BSCL2: variants seen among roughly 807,000 people sequenced by gnomAD.
The protein encoded by BSCL2 is seipin.
Under a neutral mutation model 57.4 loss-of-function variants are expected in BSCL2, and 41 were observed. The observed-to-expected ratio is 0.71, with a 90% CI of 0.56 to 0.93. The LOEUF (loss-of-function observed/expected upper bound fraction) is 0.93. BSCL2 is among the 40% of genes least tolerant of loss of function. The pLI is 0.00. For missense variants in BSCL2, 539 were observed against 586.7 expected (o/e 0.92, Z 0.84); for synonymous variants, 237 against 227.3 (o/e 1.04, Z -0.38).
upstream of BSCL2, chr11:62,707,436 C>T (rs1002675363): frequency 7.2e-6 from 5 of 697,684 alleles, no homozygotes; most frequent in Non-Finnish European, 1.3e-5. Context: ...AGCAGGGTCC[C>T]CCGCAGCCAG....
intron 3 of BSCL2, among the ~76,000 whole-genome samples, chr11:62,697,844 T>TA (rs1406793094): frequency 2.6e-5 from 4 of 151,554 alleles, no homozygotes; most frequent in East Asian, 1.9e-4. Context: ...TCCATGGTCT[T>TA]AGACTATCCC....
intron 1 of BSCL2, 51 bp downstream of exon 1, chr11:62,707,058 C>G: frequency 3.4e-6 from 5 of 1,490,232 alleles, no homozygotes; most frequent in African/African-American, 1.4e-5. Context: ...TTCACGCCAG[C>G]CCACCTATTT....
intron 1 of BSCL2, chr11:62,706,289 G>A (rs1032452661): frequency 1.8e-6 from 2 of 1,117,506 alleles, no homozygotes; most frequent in Non-Finnish European, 2.2e-6. Flanking sequence ...GCAACCGTGA[G>A]ACGGGACTTC....
At chr11:62,705,943 C>T (rs2083523173) in intron 1 of BSCL2, 1 of 310,262 alleles carries the variant, frequency 3.2e-6, no homozygotes, top group Admixed American at 4.6e-5. Context: ...GAGCTTTACA[C>T]ACACGGTGAT....
intron 6 of BSCL2, among the ~76,000 whole-genome samples, chr11:62,692,051 TA>T (rs5792267): frequency 0.7 from 92,930 of 132,470 alleles, 32,648 homozygotes; most frequent in Admixed American, 0.8. Flanking sequence ...GACCCCCTCT[TA>T]AAAAAAAAAA....
chr11:62,707,965 G>A (rs534427596), upstream of BSCL2: 11 of 364,168 alleles, frequency 3.0e-5, no homozygotes, highest in South Asian at 2.6e-4. Context: ...GAGCAGACAG[G>A]GGTGATGTGC....
chr11:62,695,987 A>G (rs1456280272), intron 3 of BSCL2, among the ~76,000 whole-genome samples: 1 of 152,096 alleles, frequency 6.6e-6, no homozygotes, highest in Non-Finnish European at 1.5e-5. Flanking sequence ...AGCCTGGCCA[A>G]GATGGTGAAA....
Position 62,690,484 on chromosome 11 carries a change from C to T in BSCL2, c.1272G>A (p.Glu424=). Residue 424 remains glutamate, a synonymous_variant, in exon 11 of 11, where the codon GAG becomes GAA. Transcript: ENST00000360796. Reference sequence around the variant, plus strand: ...CAGGAGCAGGAGCAGGCAGGTTGGCCTCCGTCAGCAAAGCTGCATCTTCCC... The same window carrying T: ...CAGGAGCAGGAGCAGGCAGGTTGGCTTCCGTCAGCAAAGCTGCATCTTCCC... ...GSWEDAALLT[E]ANLPAPAPAS... 3 of 1,614,152 alleles carry T rather than the reference C, an allele frequency of 1.9e-6. No homozygotes were observed. Among genetic ancestry groups the T allele is most frequent in the Non-Finnish European group, 2.5e-6 (3 of 1,180,016 alleles).
rs184533368 is a variant in BSCL2 at position 62,694,183 on chromosome 11, T to C, written c.630+385A>G. Among the ~76,000 whole-genome samples the C allele has an allele frequency of 8.4e-4, 114 of 136,026 alleles. 2 individuals are homozygous for C. In the East Asian group the frequency reaches 0.023, roughly 27 times the overall value. 89.2% of individuals were successfully genotyped at this position (136,026 alleles called of 152,430 possible). On this transcript the variant is annotated intron_variant, in intron 4 of 10. Transcript: ENST00000360796. Reference sequence around the variant, plus strand: ...AGGGTGTTTTCTCCTGAGGAATCCCTACCCAGACATTCTTTTTTTTTTTTT... The same window carrying C: ...AGGGTGTTTTCTCCTGAGGAATCCCCACCCAGACATTCTTTTTTTTTTTTT...
At position 62,694,655 on chromosome 11, in the gene BSCL2, G is replaced by A; in HGVS notation, c.543C>T (p.Ser181=). The stretch of plus-strand genomic sequence containing the variant: ...ACATGCCCAAATCTTGATTCACAGG[G>A]GACTCTGGCAGCTCAAGCTCTAAGG... The part of the protein sequence containing the change: ...RVTLELELPE[S]PVNQDLGMFL... Residue 181 remains serine (S), a synonymous_variant, in exon 4 of 11, where the codon TCC becomes TCT. Transcript: ENST00000360796. 1 of 1,614,078 alleles carries A rather than the reference G, an allele frequency of 6.2e-7. No individual in the cohort carries two copies. The highest frequency in any genetic ancestry group is 8.5e-7 in the Non-Finnish European group (1 of 1,180,016).
Position 62,690,275 on chromosome 11 carries a change from G to A in BSCL2, c.*92C>T, listed in dbSNP as rs1945269904. On this transcript the variant is annotated 3_prime_UTR_variant, in exon 11 of 11. Coordinates refer to ENST00000360796, the MANE Select transcript of BSCL2 (RefSeq NM_001122955.4). ...CTGAACCCATTTCAGAGTCAAGGAA[G>A]AAGCTGACACAAAATAGTTTATTGA... The A allele has an allele frequency of 6.4e-7, 1 of 1,574,150 alleles. No homozygotes were observed. Among genetic ancestry groups the A allele is most frequent in the East Asian group, 2.2e-5 (1 of 44,708 alleles).
At chr11:62,706,409 C>A (rs550768589) in intron 1 of BSCL2, 127 of 666,556 alleles carry the variant, frequency 1.9e-4, no homozygotes, top group Admixed American at 1.5e-4. Flanking sequence ...CGGGACGGGG[C>A]GGAGCCTTCC....
At chr11:62,692,237 C>A (rs1184809688) in intron 6 of BSCL2, 139 bp downstream of exon 6, 2 of 844,512 alleles carry the variant, frequency 2.4e-6, no homozygotes, top group African/African-American at 3.4e-5. Flanking sequence ...CAATATGTGG[C>A]AGCTTTGAGA....
chr11:62,703,242 A>G (rs1945698026), intron 2 of BSCL2, among the ~76,000 whole-genome samples: 1 of 151,892 alleles, frequency 6.6e-6, no homozygotes. Flanking sequence ...AAACGCCTCC[A>G]AAAGGATCTA....
At chr11:62,708,610 T>C (rs943278040), upstream of BSCL2, 7 of 1,594,184 alleles carry the variant, frequency 4.4e-6, no homozygotes, top group Middle Eastern at 1.7e-4. Context: ...GAGAACCCAT[T>C]TGGGGAGGGA....
chr11:62,694,541 C>A, intron 4 of BSCL2, 27 bp downstream of exon 4: 2 of 1,613,840 alleles, frequency 1.2e-6, no homozygotes, highest in Non-Finnish European at 1.7e-6. Flanking sequence ...TCCTCCACAC[C>A]TTCTCAGACA....
At position 62,707,100 on chromosome 11, in the gene BSCL2, G is replaced by A; in HGVS notation, c.87+9C>T. 6.4e-7 allele frequency: 1 copy of A among 1,552,044 alleles called. No homozygotes were observed. Among genetic ancestry groups the A allele is most frequent in the Non-Finnish European group, 8.7e-7 (1 of 1,146,652 alleles). The stretch of plus-strand genomic sequence containing the variant: ...TATTTCTGCTGACTGTCCCCACAAG[G>A]GCCCCTACCTCCTCTTTGTCCGGTC... On this transcript the variant is annotated intron_variant, in intron 1 of 10. Coordinates refer to ENST00000360796, the MANE Select transcript of BSCL2 (RefSeq NM_001122955.4).
rs567462672 is a variant in BSCL2, at chr11:62,690,310, G to C, written c.*57C>G. 17 of 1,610,882 alleles carry C rather than the reference G, an allele frequency of 1.1e-5. No homozygotes were observed. The Admixed American group carries it at 1.5e-4, about 14-fold the overall frequency. On this transcript the variant is annotated 3_prime_UTR_variant, in exon 11 of 11. Transcript: ENST00000360796. ...CAAAATAGTTTATTGAAGGAAAAACGAGGGGAGAGGAGTCAGGTGGGAAAG... is the reference window on the plus strand; with the variant it reads ...CAAAATAGTTTATTGAAGGAAAAACCAGGGGAGAGGAGTCAGGTGGGAAAG...
intron 1 of BSCL2, 59 bp from the exon 2 acceptor site, chr11:62,705,676 A>G: frequency 7.0e-7 from 1 of 1,426,866 alleles, no homozygotes; most frequent in South Asian, 1.5e-5. Flanking sequence ...TGGGGACAAA[A>G]CAGCTTACTG....
Sources: allele counts gnomAD v4.1 joint callset (sites outside exome capture counted in the v4.1 genomes callset), GRCh38; gene constraint gnomAD v4.1.1; transcripts MANE v1.5; gene names NCBI Gene and HGNC (gene_info 2026-07-23, HGNC 2026-07-21).